Variants in TULP4 observed in about 807,000 individuals in gnomAD.
TULP4 encodes the protein tubby-related protein 4.
TULP4 carries 16 observed loss-of-function variants against 129.0 expected under a neutral mutation model. The observed-to-expected ratio is 0.12, with a 90% CI of 0.08 to 0.19. The LOEUF (loss-of-function observed/expected upper bound fraction) is 0.19, where lower values mean the gene tolerates loss of function less well. TULP4 is among the 10% of genes least tolerant of loss of function. TULP4 has a pLI of 1.00. For synonymous variants in TULP4, 998 were observed against 854.0 expected, an observed-to-expected ratio of 1.17 and a Z score of -2.94; for missense variants, 1,842 against 2,059.1, an observed-to-expected ratio of 0.89 and a Z score of 2.04.
At chr6:158,401,606 A>G (rs372978863) in intron 1 of TULP4, among the ~76,000 whole-genome samples, 98 of 151,950 alleles carry the variant, frequency 6.4e-4, no homozygotes, top group African/African-American at 2.2e-3. Context: ...ACCCGTGCAG[A>G]GTCAAGCTGT....
chr6:158,498,548 C>A, intron 11 of TULP4, 121 bp from the exon 12 acceptor site: 1 of 1,280,998 alleles, frequency 7.8e-7, no homozygotes, highest in South Asian at 1.3e-5. Context: ...GCCCTGCCTA[C>A]ACAGATCTGT....
At chr6:158,237,632 G>T (rs1159551820) in intron 1 of TULP4, 4 of 1,378,618 alleles carry the variant, frequency 2.9e-6, no homozygotes, top group Non-Finnish European at 4.1e-6. Flanking sequence ...CATCTTTCTG[G>T]ATCTGGGGTA....
chr6:158,236,868 C>T (rs1777720323), intron 1 of TULP4, among the ~76,000 whole-genome samples: 1 of 130,422 alleles, frequency 7.7e-6, no homozygotes, highest in Non-Finnish European at 1.6e-5. Flanking sequence ...GGCTGGAGTG[C>T]AGTGGCCCCA....
intron 1 of TULP4, among the ~76,000 whole-genome samples, chr6:158,235,579 C>T (rs1777675616): frequency 6.6e-6 from 1 of 152,224 alleles, no homozygotes; most frequent in African/African-American, 2.4e-5. Flanking sequence ...AACTCCTGGG[C>T]TCAAGCAGTC....
upstream of TULP4, chr6:158,312,401 A>G: frequency 3.1e-6 from 1 of 322,318 alleles, no homozygotes; most frequent in Non-Finnish European, 5.6e-6. Context: ...TTAAACCACA[A>G]AAATATTCTC....
At chr6:158,286,688 T>C (rs746943357) in intron 1 of TULP4, among the ~76,000 whole-genome samples, 1 of 152,220 alleles carries the variant, frequency 6.6e-6, no homozygotes, top group Non-Finnish European at 1.5e-5. Context: ...ATTGTAATGG[T>C]ATTTATTAGT....
intron 6 of TULP4, among the ~76,000 whole-genome samples, chr6:158,467,935 G>A (rs1346804465): frequency 6.6e-6 from 1 of 152,212 alleles, no homozygotes; most frequent in Non-Finnish European, 1.5e-5. Flanking sequence ...TACTTGGTGA[G>A]TTATGTTGGG....
intron 5 of TULP4, among the ~76,000 whole-genome samples, chr6:158,456,714 A>T (rs1466573310): frequency 6.6e-6 from 1 of 152,000 alleles, no homozygotes; most frequent in Admixed American, 6.6e-5. Flanking sequence ...TGTGCGTGTA[A>T]TCCCAGCTAC....
chr6:158,412,407 A>G (rs565710244), intron 1 of TULP4, among the ~76,000 whole-genome samples: 1 of 152,266 alleles, frequency 6.6e-6, no homozygotes, highest in South Asian at 2.1e-4. Flanking sequence ...CTCAAAAGCC[A>G]CCTAGCCGAG....
chr6:158,474,974 C>G (rs627967), intron 6 of TULP4, among the ~76,000 whole-genome samples: 63,591 of 152,126 alleles, frequency 0.42, 14,608 homozygotes, highest in African/African-American at 0.62. Flanking sequence ...GATTCATTGT[C>G]AGTCCCCTTA....
At chr6:158,475,197 C>T (rs1306459105) in intron 6 of TULP4, among the ~76,000 whole-genome samples, 1 of 152,216 alleles carries the variant, frequency 6.6e-6, no homozygotes, top group African/African-American at 2.4e-5. Context: ...CTTTTCCTTT[C>T]CGGGGCTCAG....
intron 1 of TULP4, among the ~76,000 whole-genome samples, chr6:158,272,132 G>A (rs143382072): frequency 1.1e-3 from 161 of 152,290 alleles, no homozygotes; most frequent in African/African-American, 3.8e-3. Context: ...GGAGGTGACA[G>A]GTAGAGGAGA....
intron 1 of TULP4, among the ~76,000 whole-genome samples, chr6:158,348,119 A>C (rs1485968372): frequency 2.0e-5 from 3 of 150,942 alleles, no homozygotes; most frequent in Non-Finnish European, 4.4e-5. Context: ...AAATGCCATA[A>C]ATCCACTGGC....
chr6:158,417,501 T>C (rs1231379709), intron 2 of TULP4, among the ~76,000 whole-genome samples: 2 of 152,218 alleles, frequency 1.3e-5, no homozygotes, highest in African/African-American at 2.4e-5. Context: ...TTTCAAATCT[T>C]AGAACCCACT....
At chr6:158,324,738 T>C (rs934119342) in intron 1 of TULP4, among the ~76,000 whole-genome samples, 11 of 152,188 alleles carry the variant, frequency 7.2e-5, no homozygotes, top group African/African-American at 2.7e-4. Context: ...TTAATATCCT[T>C]GCTGTACAGT....
intron 2 of TULP4, among the ~76,000 whole-genome samples, chr6:158,429,335 C>T (rs1778577081): frequency 1.3e-5 from 2 of 152,240 alleles, no homozygotes; most frequent in African/African-American, 4.8e-5. Flanking sequence ...GATGGGGTTT[C>T]ACCATGTTAA....
At chr6:158,317,434 G>C (rs1779516625) in intron 1 of TULP4, among the ~76,000 whole-genome samples, 1 of 147,630 alleles carries the variant, frequency 6.8e-6, no homozygotes. Context: ...TTCTGTCCTT[G>C]TGATAGTTTG....
At chr6:158,240,454 G>A (rs1370675278) in intron 1 of TULP4, among the ~76,000 whole-genome samples, 3 of 81,154 alleles carry the variant, frequency 3.7e-5, no homozygotes, top group African/African-American at 8.2e-5. Context: ...CAGACGGGGC[G>A]GCTGGCTGGG....
chr6:158,380,106 C>T (rs577682396), intron 1 of TULP4, among the ~76,000 whole-genome samples: 1 of 152,052 alleles, frequency 6.6e-6, no homozygotes, highest in East Asian at 1.9e-4. Flanking sequence ...TGCCTAGGTC[C>T]GACAAAGAGT....
Sources: allele counts gnomAD v4.1 joint callset (sites outside exome capture counted in the v4.1 genomes callset), GRCh38; gene constraint gnomAD v4.1.1; transcripts MANE v1.5; gene names NCBI Gene and HGNC (gene_info 2026-07-23, HGNC 2026-07-21).